IQCB1: variants seen among roughly 807,000 people sequenced by gnomAD.
IQCB1 encodes the protein IQ motif containing B1.
In IQCB1, 56 loss-of-function variants were observed where a neutral mutation model predicts 84.4. The observed-to-expected ratio is 0.66, with a 90% CI of 0.54 to 0.83. IQCB1 has a LOEUF of 0.83. IQCB1 is among the 40% of genes least tolerant of loss of function. The probability of loss-of-function intolerance (pLI) is 0.00; values close to 1 mark genes in which losing one functional copy is unlikely to be tolerated. For synonymous variants in IQCB1, 210 were observed against 234.8 expected (o/e 0.89, Z 0.96); for missense variants, 629 against 682.1 (o/e 0.92, Z 0.87).
intron 4 of IQCB1, among the ~76,000 whole-genome samples, chr3:121,827,487 A>T (rs1319545457): frequency 1.3e-5 from 2 of 152,102 alleles, no homozygotes; most frequent in Non-Finnish European, 2.9e-5. Flanking sequence ...GAAACATGGG[A>T]ATTTCTTAAG....
intron 2 of IQCB1, among the ~76,000 whole-genome samples, chr3:121,832,197 T>C (rs1174042460): frequency 1.3e-5 from 2 of 152,214 alleles, no homozygotes; most frequent in South Asian, 2.1e-4. Flanking sequence ...TCTATCGGTT[T>C]GTCTTATTCT....
At chr3:121,792,007 A>G (rs1175362135) in intron 10 of IQCB1, among the ~76,000 whole-genome samples, 14 of 151,758 alleles carry the variant, frequency 9.2e-5, no homozygotes, top group Non-Finnish European at 1.9e-4. Context: ...AGGAGCTTGA[A>G]CCTGGGAGGT....
In IQCB1 at chr3:121,828,639, C is replaced by T; in HGVS notation, c.101-7G>A. The stretch of plus-strand genomic sequence containing the variant: ...GGTGTGATGTTTATTATTTCTAAGG[C>T]AAAAGGAAATAAGATATATTTATTT... On this transcript the variant is annotated splice_polypyrimidine_tract_variant and splice_region_variant and intron_variant, in intron 3 of 14. Transcript: ENST00000310864. 6.3e-7 allele frequency: 1 copy of T among 1,576,572 alleles called. No individual in the cohort carries two copies. The highest frequency in any genetic ancestry group is 8.7e-7 in the Non-Finnish European group (1 of 1,146,930).
intron 2 of IQCB1, among the ~76,000 whole-genome samples, chr3:121,830,137 G>A (rs904513914): frequency 2.0e-5 from 3 of 152,020 alleles, no homozygotes; most frequent in Admixed American, 1.3e-4. Flanking sequence ...CCTAGGAGGT[G>A]GAGGTTGAGT....
chr3:121,780,469 C>T (rs1948424619), intron 13 of IQCB1, among the ~76,000 whole-genome samples: 2 of 152,164 alleles, frequency 1.3e-5, no homozygotes, highest in South Asian at 4.1e-4. Context: ...TTATGGTAAT[C>T]ACAGAGGGCC....
At chr3:121,789,961 A>C in intron 11 of IQCB1, 112 bp downstream of exon 11, 2 of 905,738 alleles carry the variant, frequency 2.2e-6, no homozygotes, top group African/African-American at 3.3e-5. Context: ...AAAACAGAGA[A>C]AAAGGACAAA....
chr3:121,778,898 T>TCA (rs1948354614), intron 13 of IQCB1, among the ~76,000 whole-genome samples: 1 of 110,698 alleles, frequency 9.0e-6, no homozygotes, highest in African/African-American at 3.6e-5. Context: ...AAACTCTGTC[T>TCA]CAAAAAAAAA....
chr3:121,805,806 A>G (rs1314816500), intron 7 of IQCB1, among the ~76,000 whole-genome samples: 1 of 152,080 alleles, frequency 6.6e-6, no homozygotes, highest in Non-Finnish European at 1.5e-5. Flanking sequence ...TACTCTACTT[A>G]ATACTTGAAG....
At chr3:121,819,776 G>C (rs1281022166) in intron 5 of IQCB1, among the ~76,000 whole-genome samples, 2 of 151,918 alleles carry the variant, frequency 1.3e-5, no homozygotes, top group Non-Finnish European at 2.9e-5. Context: ...AATATAATGT[G>C]AGCCATCTAG....
chr3:121,796,757 A>G (rs1389680039), intron 9 of IQCB1, among the ~76,000 whole-genome samples: 1 of 152,178 alleles, frequency 6.6e-6, no homozygotes, highest in Non-Finnish European at 1.5e-5. Flanking sequence ...GATGAATGAA[A>G]CTGATGTGGC....
At chr3:121,820,913 T>C (rs1268193986) in intron 5 of IQCB1, among the ~76,000 whole-genome samples, 7 of 130,904 alleles carry the variant, frequency 5.3e-5, no homozygotes, top group Middle Eastern at 3.5e-3. Flanking sequence ...CATACTCTTA[T>C]GTCTCCTCAA....
intron 5 of IQCB1, among the ~76,000 whole-genome samples, chr3:121,821,340 C>T (rs1462768958): frequency 6.6e-6 from 1 of 152,194 alleles, no homozygotes; most frequent in Non-Finnish European, 1.5e-5. Context: ...AGATGTCATA[C>T]TTATTCCTCT....
In IQCB1 at chr3:121,795,535, G is replaced by C; in HGVS notation, c.908C>G (p.Ala303Gly). ...KLHQAACLIQ[A>G]YWKGFQTRKR... ...TCTTGTCTGAAAACCCTTCCAATAG[G>C]CTTGAATCAAGCATGCTGCTTGATG... The change falls in exon 10 of 15, where the codon GCC becomes GGC. Residue 303 changes from alanine to glycine, a missense_variant. By Grantham distance (60) the Ala-to-Gly change is moderately conservative (BLOSUM62 0). Coordinates refer to ENST00000310864, the MANE Select transcript of IQCB1 (RefSeq NM_001023570.4). The C allele has an allele frequency of 6.2e-7, 1 of 1,603,618 alleles. No homozygotes were observed. The highest frequency in any genetic ancestry group is 8.5e-7 in the Non-Finnish European group (1 of 1,170,952).
chr3:121,807,874 T>C (rs1949668089), intron 6 of IQCB1, among the ~76,000 whole-genome samples: 1 of 152,020 alleles, frequency 6.6e-6, no homozygotes, highest in South Asian at 2.1e-4. Context: ...TATTGTTTTA[T>C]ATAATAATGA....
chr3:121,818,462 G>GAT (rs1950154852), intron 5 of IQCB1, among the ~76,000 whole-genome samples: 1 of 152,176 alleles, frequency 6.6e-6, no homozygotes. Context: ...TCTTCAAACA[G>GAT]GGATGCCAAA....
intron 13 of IQCB1, among the ~76,000 whole-genome samples, chr3:121,773,899 A>C (rs1948112795): frequency 6.6e-6 from 1 of 152,024 alleles, no homozygotes; most frequent in Non-Finnish European, 1.5e-5. Flanking sequence ...CAACAACAAA[A>C]ACCAGACAAA....
At chr3:121,794,547 ATTC>A (rs1325723987) in intron 10 of IQCB1, among the ~76,000 whole-genome samples, 2 of 152,230 alleles carry the variant, frequency 1.3e-5, no homozygotes, top group East Asian at 1.9e-4. Context: ...TTAAAAATTA[ATTC>A]TTTTCTTTGC....
Position 121,797,183 on chromosome 3 carries a change from T to C in IQCB1, c.811A>G (p.Ser271Gly). ...LSKQETGTEF[S>G]QELRQLVGLL... Reference sequence around the variant, plus strand: ...CCAACAAGCTGTCTAAGTTCTTGACTGAATTCAGTCCCAGTTTCCTGTTTA... The same window carrying C: ...CCAACAAGCTGTCTAAGTTCTTGACCGAATTCAGTCCCAGTTTCCTGTTTA... Residue 271 changes from serine to glycine, a missense_variant, in exon 9 of 15, where the codon AGT becomes GGT. Transcript: ENST00000310864. 1.9e-6 allele frequency: 3 copies of C among 1,610,548 alleles called. No individual in the cohort carries two copies. Among genetic ancestry groups the C allele is most frequent in the Non-Finnish European group, 2.5e-6 (3 of 1,177,656 alleles).
chr3:121,793,213 A>C (rs1447664356), intron 10 of IQCB1, among the ~76,000 whole-genome samples: 1 of 152,238 alleles, frequency 6.6e-6, no homozygotes, highest in Non-Finnish European at 1.5e-5. Context: ...CTCTAAGATA[A>C]CTAGAGCAGC....
Sources: gnomAD v4.1 joint callset for allele counts (sites outside exome capture counted in the v4.1 genomes callset) on GRCh38, gnomAD v4.1.1 for gene constraint, MANE v1.5 for transcripts, NCBI Gene and HGNC (gene_info 2026-07-23, HGNC 2026-07-21) for gene names.